Variants in TTC21A observed in about 807,000 individuals in gnomAD.
TTC21A encodes tetratricopeptide repeat domain 21A, also known as tetratricopeptide repeat protein 21A.
A neutral mutation model predicts 156.4 loss-of-function variants in TTC21A; 128 were observed. The observed-to-expected ratio is 0.82, with a 90% CI of 0.71 to 0.95. The LOEUF is 0.95. TTC21A is among the 40% of genes least tolerant of loss of function. TTC21A has a pLI of 0.00. For synonymous variants in TTC21A, 587 were observed against 617.1 expected, an observed-to-expected ratio of 0.95 and a Z score of 0.72; for missense variants, 1,435 against 1,602.3, an observed-to-expected ratio of 0.90 and a Z score of 1.78.
intron 11 of TTC21A, 67 bp downstream of exon 11, chr3:39,125,599 G>A: frequency 4.2e-6 from 5 of 1,204,788 alleles, no homozygotes; most frequent in Non-Finnish European, 6.2e-6. Flanking sequence ...CCACCTGAAG[G>A]ACAGAGGCAA....
chr3:39,126,236 C>T (rs369449365), intron 11 of TTC21A, 25 bp from the exon 12 acceptor site: 2 of 1,613,714 alleles, frequency 1.2e-6, no homozygotes, highest in Non-Finnish European at 8.5e-7. Context: ...AACCTACTCC[C>T]ACCTCCACCG....
rs545398389 is a variant in TTC21A, at chr3:39,123,862, C to A, written c.1094-1201C>A. ...AAAAAAATCACCCCCCCCAAAAAAA[C>A]CAGGCAGGCTGTGAACAGAATATTC... On this transcript the variant is annotated intron_variant, in intron 9 of 28. Transcript: ENST00000683103. Among the ~76,000 whole-genome samples, 57 of 151,822 alleles carry A rather than the reference C, an allele frequency of 3.8e-4. 1 individual carries two copies. The South Asian group carries it at 0.011, about 31-fold the overall frequency.
rs957647098 is a variant in TTC21A, at chr3:39,121,323, G to A, written c.1093+134G>A. 9.7e-6 allele frequency: 7 copies of A among 722,734 alleles called. No homozygotes were observed. The African/African-American group carries it at 1.2e-4, about 13-fold the overall frequency. The allele number at this position is 722,734 out of a possible 1,614,324, so 44.8% of individuals were successfully genotyped here. On this transcript the variant is annotated intron_variant, in intron 9 of 28. Transcript: ENST00000683103. ...TGAATTTTGGGGTACAATGTATGAT[G>A]GGGTATCTTTCTGGGAATCCACAAG...
intron 1 of TTC21A, 35 bp downstream of exon 1, chr3:39,107,899 G>A (rs79544840): frequency 6.2e-7 from 1 of 1,609,716 alleles, no homozygotes; most frequent in East Asian, 2.2e-5. Context: ...GGGCTCCCTC[G>A]TGACTCCCCG....
In TTC21A at chr3:39,129,070, AGCATGAG is replaced by A. The variant is rs747740718; in HGVS notation, c.1898_1904del (p.His633ProfsTer30). On this transcript the variant is annotated splice_acceptor_variant and coding_sequence_variant, in exon 15 of 29. Transcript: ENST00000683103. LOFTEE classifies it high-confidence loss of function. ...AGGGTCTGTTTGATTCCCATGTTTT[AGCATGAG>A]GCCACCAAGGTCATGCAGGACACCA... The A allele has an allele frequency of 3.1e-6, 5 of 1,614,044 alleles. No homozygotes were observed. The highest frequency in any genetic ancestry group is 4.2e-6 in the Non-Finnish European group (5 of 1,179,876).
chr3:39,113,625 G>A (rs565843482), intron 5 of TTC21A, among the ~76,000 whole-genome samples: 1 of 152,360 alleles, frequency 6.6e-6, no homozygotes, highest in South Asian at 2.1e-4. Context: ...AGCAGTCACT[G>A]TGGGGTGGGA....
rs558912001 is a variant in TTC21A, at chr3:39,108,623, C to T, written c.28-462C>T. ...AAACCTTAGAGGAAGTGAAACTTAA[C>T]TTTAAAATCTCAGCCCCTTTGTCAA... is the stretch of plus-strand genomic sequence containing the variant. On this transcript the variant is annotated intron_variant, in intron 1 of 28. Coordinates refer to ENST00000683103, the MANE Select transcript of TTC21A (RefSeq NM_001366900.1). Among the ~76,000 whole-genome samples the T allele has an allele frequency of 2.2e-3, 339 of 152,320 alleles. 1 individual carries two copies. The highest frequency in any genetic ancestry group is 7.7e-3 in the African/African-American group (321 of 41,566).
At chr3:39,108,210 C>G in intron 1 of TTC21A, 1 of 501,596 alleles carries the variant, frequency 2.0e-6, no homozygotes, top group South Asian at 2.5e-5. Context: ...AGCCTTAACT[C>G]ATACCTCTTC....
chr3:39,119,686 C>A (rs917982173), intron 7 of TTC21A: 1 of 378,448 alleles, frequency 2.6e-6, no homozygotes, highest in East Asian at 4.1e-5. Context: ...AACAGAGGGG[C>A]AGTGCCAGCT....
At position 39,136,360 on chromosome 3, in the gene TTC21A, AT is replaced by A; in HGVS notation, c.2954del (p.Leu985TrpfsTer6). 1 of 1,611,146 alleles carries A rather than the reference AT, an allele frequency of 6.2e-7. No individual in the cohort carries two copies. The highest frequency in any genetic ancestry group is 8.5e-7 in the Non-Finnish European group (1 of 1,178,486). ...AGATTTCTGTCTCTTATTTTAGACAATTTTTTGGTATTGCATAAATTAATCG... is the reference window on the plus strand; with the variant it reads ...AGATTTCTGTCTCTTATTTTAGACAATTTTTGGTATTGCATAAATTAATCG... Reference protein sequence around the residue: ...YHQVLEKAPDNFLVLHKLIDL... With the variant: ...YHQVLEKAPDXFLVLHKLIDL... On this transcript the variant is annotated frameshift_variant, in exon 23 of 29. Transcript: ENST00000683103. LOFTEE classifies it high-confidence loss of function.
chr3:39,111,156 C>CAGTT, intron 4 of TTC21A, 139 bp downstream of exon 4: 2 of 879,468 alleles, frequency 2.3e-6, no homozygotes, highest in Non-Finnish European at 3.4e-6. Context: ...CCGGGTCTCA[C>CAGTT]AGTTGCCCCA....
At chr3:39,112,092 A>G (rs539710609) in intron 4 of TTC21A, among the ~76,000 whole-genome samples, 1 of 152,330 alleles carries the variant, frequency 6.6e-6, no homozygotes, top group East Asian at 1.9e-4. Context: ...TTGGCTCCTG[A>G]CCCCAGTGTA....
chr3:39,107,960 G>A (rs369395208), intron 1 of TTC21A, 96 bp downstream of exon 1: 1 of 1,485,260 alleles, frequency 6.7e-7, no homozygotes, highest in South Asian at 1.1e-5. Context: ...ACCCTTCGCT[G>A]TCCTCAGTTA....
At position 39,138,792 on chromosome 3, in the gene TTC21A, G is replaced by C; in HGVS notation, c.*4G>C. The C allele has an allele frequency of 1.2e-6, 2 of 1,613,474 alleles. No individual in the cohort carries two copies. The highest frequency in any genetic ancestry group is 2.2e-5 in the South Asian group (2 of 91,020). On this transcript the variant is annotated 3_prime_UTR_variant, in exon 29 of 29. Coordinates refer to ENST00000683103, the MANE Select transcript of TTC21A (RefSeq NM_001366900.1). ...CCGAAGGTCCCTGAGGCCCTAGCTG[G>C]GGTCAAGGGGCCTGGACCAGTAGAA...
rs752688742 is a variant in TTC21A, at chr3:39,137,034, T to A, written c.3231T>A (p.Ala1077=). 2 of 1,613,440 alleles carry A rather than the reference T, an allele frequency of 1.2e-6. No individual in the cohort carries two copies. Among genetic ancestry groups the A allele is most frequent in the Non-Finnish European group, 1.7e-6 (2 of 1,179,844 alleles). ...ACAACGAGGTTGTGGGCGGAGAGGC[T>A]TTTGAGAACCAGGGAGCTGAGAGCA... ...NPDNEVVGGE[A]FENQGAESNY... The change falls in exon 24 of 29, where the codon GCT becomes GCA. Residue 1077 remains alanine (A), a synonymous_variant. Coordinates refer to ENST00000683103, the MANE Select transcript of TTC21A (RefSeq NM_001366900.1).
chr3:39,116,420 T>A (rs1255223730), intron 6 of TTC21A, among the ~76,000 whole-genome samples: 2 of 152,152 alleles, frequency 1.3e-5, no homozygotes, highest in Non-Finnish European at 2.9e-5. Context: ...AAAATAGAAA[T>A]TTTGTATTAT....
intron 12 of TTC21A, among the ~76,000 whole-genome samples, chr3:39,127,501 T>G (rs2038366599): frequency 6.6e-6 from 1 of 152,164 alleles, no homozygotes; most frequent in South Asian, 2.1e-4. Flanking sequence ...TCCAGCTGTG[T>G]AGGTTGCCAT....
Position 39,130,824 on chromosome 3 carries a change from C to T in TTC21A, c.2443C>T (p.Leu815=). The change falls in exon 18 of 29, where the codon CTG becomes TTG. Residue 815 remains leucine (L), a synonymous_variant. Transcript: ENST00000683103. This position sits in a 1 kb window ranked among gnomAD's most constrained non-coding sequence, Gnocchi z 4.5. ...NKAEKVLKQA[L]EHDIVQDIPS... ...AGCAGAAAAAGTTTTGAAGCAGGCA[C>T]TGGAACATGACATTGGTGAGGCAGC... 5 of 1,614,204 alleles carry T rather than the reference C, an allele frequency of 3.1e-6. No homozygotes were observed. The highest frequency in any genetic ancestry group is 3.4e-6 in the Non-Finnish European group (4 of 1,180,038).
intron 9 of TTC21A, among the ~76,000 whole-genome samples, chr3:39,122,629 A>G (rs2037867688): frequency 6.6e-6 from 1 of 152,202 alleles, no homozygotes. Context: ...CCTTGGCCAG[A>G]GGCTAGAATC....
Sources: allele counts gnomAD v4.1 joint callset (sites outside exome capture counted in the v4.1 genomes callset), GRCh38; gene constraint gnomAD v4.1.1; non-coding constraint Gnocchi (gnomAD v3.1); transcripts MANE v1.5; gene names NCBI Gene and HGNC (gene_info 2026-07-23, HGNC 2026-07-21).